SLC25A28: variants seen among roughly 807,000 people sequenced by gnomAD.
SLC25A28 encodes mitoferrin-2.
Under a neutral mutation model 31.9 loss-of-function variants are expected in SLC25A28, and 10 were observed. The observed-to-expected ratio is 0.31, with a 90% CI of 0.19 to 0.53. SLC25A28 has a LOEUF of 0.53. Among genes scored for constraint, SLC25A28 ranks in the 20% least tolerant of loss-of-function variants. SLC25A28 has a pLI of 0.95. For missense variants in SLC25A28, 256 were observed against 490.3 expected (o/e 0.52, Z 4.51); for synonymous variants, 208 against 203.6 (o/e 1.02, Z -0.19).
the SLC25A28 span, among the ~76,000 whole-genome samples, chr10:99,638,790 A>G: frequency 1.5e-4 from 23 of 152,182 alleles, no homozygotes; most frequent in African/African-American, 5.5e-4. Context: ...AAAACAGTAG[A>G]TGTTGGCATG....
At chr10:99,625,163 T>C (rs111818756), upstream of SLC25A28, among the ~76,000 whole-genome samples, 1,628 of 11,464 alleles carry the variant, frequency 0.14, 19 homozygotes, top group Middle Eastern at 0.19. Flanking sequence ...GTGGGTGTTA[T>C]AGCTCATAAA....
chr10:99,628,981 G>A, the SLC25A28 span, among the ~76,000 whole-genome samples: 1 of 152,118 alleles, frequency 6.6e-6, no homozygotes. Flanking sequence ...TCCTCAAAAA[G>A]TTAAACATAG....
the SLC25A28 span, among the ~76,000 whole-genome samples, chr10:99,631,881 T>A: frequency 1.1e-5 from 1 of 94,594 alleles, no homozygotes; most frequent in Non-Finnish European, 2.3e-5. Context: ...GTATGTTATT[T>A]TTTTTTTTTA....
At chr10:99,617,422 T>C in intron 1 of SLC25A28, 2 of 985,460 alleles carry the variant, frequency 2.0e-6, no homozygotes, top group Non-Finnish European at 2.4e-6. Flanking sequence ...ATGTCAGCTT[T>C]CATTTGCAAA....
At chr10:99,650,521 T>C in the SLC25A28 span, among the ~76,000 whole-genome samples, 2 of 152,004 alleles carry the variant, frequency 1.3e-5, no homozygotes, top group African/African-American at 4.8e-5. Context: ...AAGGGCAGGA[T>C]GTAGCCCAAC....
chr10:99,612,488 T>C, intron 3 of SLC25A28, 55 bp downstream of exon 3: 5 of 1,589,458 alleles, frequency 3.1e-6, no homozygotes, highest in South Asian at 1.1e-5. Context: ...TTCTGCAAAC[T>C]GTAAAGAAAT....
rs1471342900 is a variant in SLC25A28 at position 99,613,278 on chromosome 10, G to A, written c.520+418C>T. 4 of 607,276 alleles carry A rather than the reference G, an allele frequency of 6.6e-6. No individual in the cohort carries two copies. Among genetic ancestry groups the A allele is most frequent in the Non-Finnish European group, 8.3e-6 (4 of 484,740 alleles). The allele number at this position is 607,276 out of a possible 1,614,324, so 37.6% of individuals were successfully genotyped here. A position where few individuals can be genotyped will look rare whatever the true frequency, so the allele number is the denominator to read the frequency against. On this transcript the variant is annotated intron_variant, in intron 2 of 3. Transcript: ENST00000370495. The surrounding 1 kb of genome is among the most constrained non-coding windows in gnomAD (Gnocchi z 4.9). Reference sequence around the variant, plus strand: ...TCTGGTGAGTTGGGATCCTGAAAAGGTGAGGCAAAAAGCAGGGGCTTCATT... The same window carrying A: ...TCTGGTGAGTTGGGATCCTGAAAAGATGAGGCAAAAAGCAGGGGCTTCATT...
upstream of SLC25A28, among the ~76,000 whole-genome samples, chr10:99,625,402 TTTAGC>T (rs1443510680): frequency 6.6e-6 from 1 of 152,078 alleles, no homozygotes; most frequent in African/African-American, 2.4e-5. Context: ...TTTACAATCC[TTTAGC>T]TAGACACAGA....
At chr10:99,642,791 G>A in the SLC25A28 span, among the ~76,000 whole-genome samples, 2 of 152,140 alleles carry the variant, frequency 1.3e-5, no homozygotes, top group Non-Finnish European at 2.9e-5. Context: ...GTTGAATTTT[G>A]TCAAAGGCCT....
chr10:99,629,449 C>T, the SLC25A28 span, among the ~76,000 whole-genome samples: 1 of 152,288 alleles, frequency 6.6e-6, no homozygotes, highest in African/African-American at 2.4e-5. Context: ...AAGAATGGAA[C>T]ACAGGTACTC....
At chr10:99,645,268 T>TC in the SLC25A28 span, among the ~76,000 whole-genome samples, 278 of 152,324 alleles carry the variant, frequency 1.8e-3, 3 homozygotes, top group Middle Eastern at 6.8e-3. Flanking sequence ...TACTCTTTTT[T>TC]CTCTAAACTT....
At chr10:99,619,124 CAGA>C in intron 1 of SLC25A28, 1 of 985,428 alleles carries the variant, frequency 1.0e-6, no homozygotes, top group Non-Finnish European at 1.2e-6. Flanking sequence ...CAGCTTTCTT[CAGA>C]AGGACCTGAC....
At chr10:99,624,955 A>C (rs1022040362), upstream of SLC25A28, among the ~76,000 whole-genome samples, 2 of 151,908 alleles carry the variant, frequency 1.3e-5, no homozygotes, top group African/African-American at 4.8e-5. Context: ...CAGTGTCTGG[A>C]ATTTATTCCT....
intron 1 of SLC25A28, chr10:99,617,807 C>G (rs1010092713): frequency 6.1e-6 from 6 of 984,650 alleles, no homozygotes; most frequent in Non-Finnish European, 7.2e-6. Flanking sequence ...GGCATAACTG[C>G]TATGTTGTAT....
chr10:99,649,012 A>G, the SLC25A28 span, among the ~76,000 whole-genome samples: 18 of 152,102 alleles, frequency 1.2e-4, no homozygotes, highest in African/African-American at 4.3e-4. Flanking sequence ...AGAGTACTGA[A>G]AGTGGGCATC....
At chr10:99,635,932 A>T in the SLC25A28 span, among the ~76,000 whole-genome samples, 1 of 152,312 alleles carries the variant, frequency 6.6e-6, no homozygotes, top group East Asian at 1.9e-4. Flanking sequence ...ACAATCGTAA[A>T]CATATATGCA....
chr10:99,642,569 C>T, the SLC25A28 span, among the ~76,000 whole-genome samples: 1 of 152,122 alleles, frequency 6.6e-6, no homozygotes, highest in East Asian at 1.9e-4. Flanking sequence ...TTTTCTCCTG[C>T]CTGATTGCCC....
At chr10:99,629,327 C>A in the SLC25A28 span, among the ~76,000 whole-genome samples, 2 of 152,172 alleles carry the variant, frequency 1.3e-5, no homozygotes, top group Non-Finnish European at 2.9e-5. Context: ...GATGCTGGTT[C>A]CCTGCTTCTT....
chr10:99,646,514 A>T, the SLC25A28 span, among the ~76,000 whole-genome samples: 5 of 152,184 alleles, frequency 3.3e-5, no homozygotes, highest in African/African-American at 1.2e-4. Context: ...TTCCCAGGTG[A>T]GGTGATGCTC....
Sources: allele counts gnomAD v4.1 joint callset (sites outside exome capture counted in the v4.1 genomes callset), GRCh38; gene constraint gnomAD v4.1.1; non-coding constraint Gnocchi (gnomAD v3.1); transcripts MANE v1.5; gene names NCBI Gene and HGNC (gene_info 2026-07-23, HGNC 2026-07-21).